Variants in MID1 observed in about 807,000 individuals in gnomAD.
MID1 encodes midline 1, also known as E3 ubiquitin-protein ligase Midline-1.
In MID1, 7 loss-of-function variants were observed where a neutral mutation model predicts 40.4. The observed-to-expected ratio is 0.17, with a 90% CI of 0.10 to 0.33. MID1 has a LOEUF of 0.33. Ranked by LOEUF, MID1 falls within the 10% of genes least tolerant of loss-of-function variation. The pLI is 1.00. For missense variants in MID1, 367 were observed against 558.5 expected (o/e 0.66, Z 3.46); for synonymous variants, 229 against 221.2 (o/e 1.04, Z -0.31).
chrX:10,491,763 T>C (rs1038002727), intron 4 of MID1, among the ~76,000 whole-genome samples: 1 of 112,048 alleles, frequency 8.9e-6, no homozygotes, highest in African/African-American at 3.2e-5. Flanking sequence ...ATACAGTGTG[T>C]GGTCTTAGAG....
chrX:10,747,356 A>G, intron 1 of MID1, among the ~76,000 whole-genome samples: 1 of 112,277 alleles, frequency 8.9e-6, no homozygotes, highest in Non-Finnish European at 1.9e-5. Context: ...CTCATTTTCA[A>G]TTCAAATATT....
At chrX:10,762,104 T>G (rs2043683109) in intron 1 of MID1, among the ~76,000 whole-genome samples, 1 of 111,940 alleles carries the variant, frequency 8.9e-6, no homozygotes, top group Non-Finnish European at 1.9e-5. Flanking sequence ...ATGGATAAAG[T>G]ATGTGATCTA....
intron 1 of MID1, among the ~76,000 whole-genome samples, chrX:10,701,432 C>T (rs1190321339): frequency 1.8e-5 from 2 of 111,660 alleles, no homozygotes; most frequent in African/African-American, 6.5e-5. Context: ...GCTTCCCCTG[C>T]GACCCCCATT....
intron 1 of MID1, among the ~76,000 whole-genome samples, chrX:10,628,932 G>A (rs1633834): frequency 0.01 from 1,143 of 111,505 alleles, 5 homozygotes; most frequent in South Asian, 0.027. Flanking sequence ...TCTCAAACTC[G>A]AGAACCCATA....
chrX:10,618,045 C>G (rs749382997), intron 1 of MID1, among the ~76,000 whole-genome samples: 11 of 112,325 alleles, frequency 9.8e-5, no homozygotes, highest in African/African-American at 3.2e-4. Context: ...TATAGCTAGG[C>G]AAACAGCCTT....
chrX:10,469,318 A>G, intron 7 of MID1: 1 of 944,348 alleles, frequency 1.1e-6, no homozygotes, highest in Non-Finnish European at 1.3e-6. Context: ...ACACCTATGA[A>G]TGTTTCTTTA....
At chrX:10,460,126 A>T in intron 7 of MID1, 1 of 333,334 alleles carries the variant, frequency 3.0e-6, no homozygotes, top group Non-Finnish European at 5.4e-6. Context: ...CATGAGGCTG[A>T]AATGACAATG....
chrX:10,586,048 T>C (rs1935134728), intron 1 of MID1, among the ~76,000 whole-genome samples: 2 of 111,456 alleles, frequency 1.8e-5, no homozygotes, highest in South Asian at 7.7e-4. Flanking sequence ...CTCAGATGGG[T>C]CATAACACAC....
chrX:10,500,521 A>G (rs1258925709), intron 3 of MID1, among the ~76,000 whole-genome samples: 2 of 112,471 alleles, frequency 1.8e-5, no homozygotes, highest in Non-Finnish European at 3.7e-5. Flanking sequence ...AACAAGTTAA[A>G]TACTATTCTA....
At chrX:10,775,988 T>C (rs1466585728) in intron 1 of MID1, among the ~76,000 whole-genome samples, 1 of 111,577 alleles carries the variant, frequency 9.0e-6, no homozygotes, top group Non-Finnish European at 1.9e-5. Context: ...TGAATTCCTA[T>C]AGGTACTATC....
chrX:10,465,214 T>TATATATATATATATATAC (rs1477864693), intron 7 of MID1, among the ~76,000 whole-genome samples: 10 of 39,900 alleles, frequency 2.5e-4, no homozygotes, highest in Non-Finnish European at 3.3e-4. Context: ...TATATATATA[T>TATATATATATATATATAC]ACACACACAC....
intron 1 of MID1, among the ~76,000 whole-genome samples, chrX:10,709,664 C>T (rs1184199245): frequency 1.8e-5 from 2 of 112,329 alleles, no homozygotes; most frequent in African/African-American, 3.2e-5. Context: ...GATTCACTTA[C>T]GTGGTACAGA....
intron 1 of MID1, among the ~76,000 whole-genome samples, chrX:10,787,563 T>C (rs1252297518): frequency 3.9e-4 from 19 of 48,983 alleles, no homozygotes; most frequent in Non-Finnish European, 1.0e-4. Flanking sequence ...CCCTCCTCTC[T>C]TCTCTTCTCT....
chrX:10,611,411 A>C (rs1472770239), intron 1 of MID1, among the ~76,000 whole-genome samples: 1 of 112,390 alleles, frequency 8.9e-6, no homozygotes, highest in Admixed American at 9.4e-5. Context: ...AAATATGCTA[A>C]GCCCGTTTCT....
chrX:10,476,367 A>G (rs1930011596), intron 5 of MID1, among the ~76,000 whole-genome samples: 1 of 110,615 alleles, frequency 9.0e-6, no homozygotes, highest in South Asian at 3.9e-4. Context: ...GAGTCTCACT[A>G]TGTTGCCCAG....
chrX:10,497,790 G>A lies in MID1; in HGVS notation c.757-2099C>T, dbSNP rs893835543. Among the ~76,000 whole-genome samples the A allele has an allele frequency of 1.7e-4, 19 of 112,331 alleles. No individual in the cohort carries two copies. The Middle Eastern group carries it at 0.014, about 81-fold the overall frequency. ...AAACCCGAAGAGCTAAGTTGTACTT[G>A]AGAATACGAGTTAAATCTGATAGAA... is the stretch of plus-strand genomic sequence containing the variant. On this transcript the variant is annotated intron_variant, in intron 3 of 9. Transcript: ENST00000317552.
chrX:10,500,225 A>G (rs1006066739), intron 3 of MID1, among the ~76,000 whole-genome samples: 1 of 112,073 alleles, frequency 8.9e-6, no homozygotes, highest in Non-Finnish European at 1.9e-5. Context: ...GATTTACAGA[A>G]TGGATATGTT....
intron 1 of MID1, among the ~76,000 whole-genome samples, chrX:10,817,632 T>C (rs1227620054): frequency 1.9e-5 from 2 of 103,859 alleles, no homozygotes; most frequent in African/African-American, 7.0e-5. Flanking sequence ...TCTTTTTTTT[T>C]TTTTTTTGAC....
At chrX:10,814,638 C>T (rs183663378) in intron 1 of MID1, among the ~76,000 whole-genome samples, 173 of 110,027 alleles carry the variant, frequency 1.6e-3, no homozygotes, top group African/African-American at 5.5e-3. Context: ...CATGCATGCA[C>T]ATATTTAGTT....
Sources: gnomAD v4.1 joint callset for allele counts (sites outside exome capture counted in the v4.1 genomes callset) on GRCh38, gnomAD v4.1.1 for gene constraint, MANE v1.5 for transcripts, NCBI Gene and HGNC (gene_info 2026-07-23, HGNC 2026-07-21) for gene names.